The following CELF4 variants were observed in gnomAD, a reference collection of about 807,000 sequenced individuals.
CELF4 encodes the protein CUG-BP- and ETR-3-like factor 4.
Under a neutral mutation model 59.9 loss-of-function variants are expected in CELF4, and 18 were observed. That is an observed-to-expected ratio of 0.30 (90% CI 0.21 to 0.45). The LOEUF is 0.45. Among genes scored for constraint, CELF4 ranks in the 20% least tolerant of loss-of-function variants. CELF4 has a pLI of 1.00. For missense variants in CELF4, 456 were observed against 689.0 expected, an observed-to-expected ratio of 0.66 and a Z score of 3.79; for synonymous variants, 261 against 267.1, an observed-to-expected ratio of 0.98 and a Z score of 0.22.
intron 3 of CELF4, among the ~76,000 whole-genome samples, chr18:37,303,638 G>A (rs16968716): frequency 0.051 from 7,823 of 152,102 alleles, 511 homozygotes; most frequent in African/African-American, 0.15. Context: ...TTAGAGCCAC[G>A]TCTTGGTCAC....
At chr18:37,420,547 G>A (rs948938793) in intron 2 of CELF4, among the ~76,000 whole-genome samples, 1 of 152,218 alleles carries the variant, frequency 6.6e-6, no homozygotes, top group Non-Finnish European at 1.5e-5. Flanking sequence ...AGCACTGGGT[G>A]GAGGGGCACT....
intron 2 of CELF4, among the ~76,000 whole-genome samples, chr18:37,417,687 G>A (rs1414691261): frequency 6.6e-6 from 1 of 152,198 alleles, no homozygotes; most frequent in Non-Finnish European, 1.5e-5. Context: ...GACGGGGTCA[G>A]TAGGACAGTA....
intron 4 of CELF4, 27 bp downstream of exon 4, chr18:37,275,088 C>T: frequency 6.2e-7 from 1 of 1,609,564 alleles, no homozygotes; most frequent in Non-Finnish European, 8.5e-7. Flanking sequence ...CCCTCCGGGG[C>T]ATCCCTCCCG....
rs899688238 is a variant in CELF4, at chr18:37,246,550, A to G, written c.*45-1353T>C. 1.3e-5 allele frequency among the ~76,000 whole-genome samples: 2 copies of G among 151,858 alleles called. No homozygotes were observed. The highest frequency in any genetic ancestry group is 6.6e-5 in the Admixed American group (1 of 15,260). ...TAGTTTTTTGGTTTAGAATTTTTTTATCATTCTGTTACTGTAGATATTTTG... is the reference window on the plus strand; with the variant it reads ...TAGTTTTTTGGTTTAGAATTTTTTTGTCATTCTGTTACTGTAGATATTTTG... On this transcript the variant is annotated intron_variant, in intron 12 of 12. Transcript: ENST00000420428. This position sits in a 1 kb window ranked among gnomAD's most constrained non-coding sequence, Gnocchi z 5.3.
At chr18:37,247,448 T>A (rs1315835093) in intron 12 of CELF4, 2 of 149,508 alleles carry the variant, frequency 1.3e-5, no homozygotes, top group African/African-American at 2.5e-5. Flanking sequence ...GGGATTTGGG[T>A]GAAGGAGGGC....
intron 1 of CELF4, among the ~76,000 whole-genome samples, chr18:37,493,593 C>T (rs947661943): frequency 6.6e-6 from 1 of 151,732 alleles, no homozygotes; most frequent in African/African-American, 2.4e-5. Flanking sequence ...GGGAAGTGAA[C>T]ACATTGCTCA....
chr18:37,292,563 A>G (rs1195318438), intron 3 of CELF4, among the ~76,000 whole-genome samples: 1 of 152,204 alleles, frequency 6.6e-6, no homozygotes, highest in Non-Finnish European at 1.5e-5. Flanking sequence ...CGGGCAGGCC[A>G]GGTACTTAGC....
Position 37,253,658 on chromosome 18 carries a change from CG to C in CELF4, c.*44+108del. Reference sequence around the variant, plus strand: ...GAGGAGCAGGTTGAGCCGGGCGCAGCGGGTCCAAGGCACCAGTGAGGGTCCG... The same window carrying C: ...GAGGAGCAGGTTGAGCCGGGCGCAGCGGTCCAAGGCACCAGTGAGGGTCCG... On this transcript the variant is annotated intron_variant, in intron 12 of 12. Transcript: ENST00000420428. The surrounding 1 kb of genome is among the most constrained non-coding windows in gnomAD (Gnocchi z 4.5). 1 of 768,334 alleles carries C rather than the reference CG, an allele frequency of 1.3e-6. No individual in the cohort carries two copies. The highest frequency in any genetic ancestry group is 1.9e-6 in the Non-Finnish European group (1 of 521,048). 47.6% of individuals were successfully genotyped at this position (768,334 alleles called of 1,614,324 possible).
At chr18:37,481,061 G>T (rs148806118) in intron 2 of CELF4, among the ~76,000 whole-genome samples, 155 of 152,232 alleles carry the variant, frequency 1.0e-3, no homozygotes, top group African/African-American at 3.6e-3. Context: ...ATCCTGAGTC[G>T]CGGTGACCTG....
intron 3 of CELF4, among the ~76,000 whole-genome samples, chr18:37,277,378 T>G (rs1020679849): frequency 3.9e-4 from 59 of 152,238 alleles, no homozygotes; most frequent in Non-Finnish European, 6.6e-4. Flanking sequence ...TTGGCAAGAC[T>G]TTGGGGCACA....
At chr18:37,515,595 A>G (rs2099949793) in intron 1 of CELF4, among the ~76,000 whole-genome samples, 1 of 152,004 alleles carries the variant, frequency 6.6e-6, no homozygotes, top group East Asian at 1.9e-4. Context: ...AGGCCTCCCT[A>G]CTCGTGGAGC....
At chr18:37,451,308 C>T (rs1047303420) in intron 2 of CELF4, among the ~76,000 whole-genome samples, 7 of 152,016 alleles carry the variant, frequency 4.6e-5, no homozygotes, top group Admixed American at 3.3e-4. Flanking sequence ...TCTGTGAGTA[C>T]GAACGTAGTG....
chr18:37,300,015 A>G (rs2095901739), intron 3 of CELF4, among the ~76,000 whole-genome samples: 1 of 152,062 alleles, frequency 6.6e-6, no homozygotes, highest in Admixed American at 6.5e-5. Flanking sequence ...ATCCTTCTCC[A>G]GCTTCCCTGG....
At position 37,245,437 on chromosome 18, in the gene CELF4, G is replaced by A. The variant is rs748117573; in HGVS notation, c.*45-240C>T. ...TGGTGATGGTTGTAGCTGAGGTTTCGTTGTTGGGAGAAGGTTCTTGATTTG... is the reference window on the plus strand; with the variant it reads ...TGGTGATGGTTGTAGCTGAGGTTTCATTGTTGGGAGAAGGTTCTTGATTTG... On this transcript the variant is annotated intron_variant, in intron 12 of 12. Transcript: ENST00000420428. The surrounding 1 kb of genome is among the most constrained non-coding windows in gnomAD (Gnocchi z 4.1). 3.9e-5 allele frequency among the ~76,000 whole-genome samples: 6 copies of A among 152,140 alleles called. No homozygotes were observed. Among genetic ancestry groups the A allele is most frequent in the Non-Finnish European group, 7.4e-5 (5 of 68,012 alleles).
intron 3 of CELF4, among the ~76,000 whole-genome samples, chr18:37,317,114 C>T (rs770406497): frequency 1.2e-4 from 18 of 152,180 alleles, no homozygotes; most frequent in East Asian, 1.9e-4. Context: ...CGGCCGGGCG[C>T]GGTGGCTTAT....
At chr18:37,426,860 G>A (rs569025767) in intron 2 of CELF4, among the ~76,000 whole-genome samples, 2 of 152,158 alleles carry the variant, frequency 1.3e-5, no homozygotes, top group Admixed American at 6.5e-5. Context: ...AGATGAGCAC[G>A]GCTGCTTCTT....
chr18:37,354,778 T>C (rs1283773855), intron 2 of CELF4, among the ~76,000 whole-genome samples: 1 of 152,174 alleles, frequency 6.6e-6, no homozygotes, highest in Non-Finnish European at 1.5e-5. Flanking sequence ...TCTCCAGCCT[T>C]CCTGCCCCGC....
rs767073990 is a variant in CELF4, at chr18:37,273,041, C to T, written c.924G>A (p.Ala308=). The T allele has an allele frequency of 1.3e-5, 21 of 1,611,512 alleles. 1 individual carries two copies. The highest frequency in any genetic ancestry group is 8.0e-5 in the African/African-American group (6 of 74,882). ...QMAALNMNGL[A]AAPMTPTSGG... ...CTGAGGTTGGGGTCATAGGTGCGGCCGCCAGGCCATTCATGTTGAGGGCCG... is the reference window on the plus strand; with the variant it reads ...CTGAGGTTGGGGTCATAGGTGCGGCTGCCAGGCCATTCATGTTGAGGGCCG... The change falls in exon 7 of 13, where the codon GCG becomes GCA. Residue 308 remains alanine (A), a synonymous_variant. Transcript: ENST00000420428.
intron 3 of CELF4, among the ~76,000 whole-genome samples, chr18:37,300,828 A>G (rs1240719151): frequency 6.6e-6 from 1 of 152,254 alleles, no homozygotes; most frequent in Non-Finnish European, 1.5e-5. Context: ...AAGCTGAGAC[A>G]GGGTGAGCAG....
Sources: allele counts gnomAD v4.1 joint callset (sites outside exome capture counted in the v4.1 genomes callset), GRCh38; gene constraint gnomAD v4.1.1; non-coding constraint Gnocchi (gnomAD v3.1); transcripts MANE v1.5; gene names NCBI Gene and HGNC (gene_info 2026-07-23, HGNC 2026-07-21).